NBAS: variants seen among roughly 807,000 people sequenced by gnomAD.
The protein encoded by NBAS is NAG/BC035112 fusion.
NBAS carries 219 observed loss-of-function variants against 302.5 expected under a neutral mutation model. The observed-to-expected ratio is 0.72, with a 90% CI of 0.65 to 0.81. The LOEUF is 0.81. Ranked by LOEUF, NBAS falls within the 30% of genes least tolerant of loss-of-function variation. The pLI is 0.00. For synonymous variants in NBAS, 1,118 were observed against 1,021.6 expected, an observed-to-expected ratio of 1.09 and a Z score of -1.80; for missense variants, 2,932 against 2,841.6, an observed-to-expected ratio of 1.03 and a Z score of -0.72.
intron 38 of NBAS, among the ~76,000 whole-genome samples, chr2:15,325,460 C>T (rs1337456951): frequency 6.6e-6 from 1 of 152,116 alleles, no homozygotes; most frequent in African/African-American, 2.4e-5. Context: ...ATGTTGATGG[C>T]TGCTGACTGA....
chr2:15,076,452 A>G, the NBAS span, among the ~76,000 whole-genome samples: 1 of 152,198 alleles, frequency 6.6e-6, no homozygotes, highest in Non-Finnish European at 1.5e-5. Context: ...AAATCCGCCT[A>G]TATAAAATTT....
At chr2:15,167,387 C>A in intron 51 of NBAS, 64 bp from the exon 52 acceptor site, 1 of 1,578,826 alleles carries the variant, frequency 6.3e-7, no homozygotes, top group South Asian at 1.1e-5. Flanking sequence ...CCCCTTGGAT[C>A]CCTCGCTCTC....
At position 15,456,313 on chromosome 2, in the gene NBAS, T is replaced by C. The variant is rs192209338; in HGVS notation, c.2339+4888A>G. On this transcript the variant is annotated intron_variant, in intron 21 of 51. Transcript: ENST00000281513. Reference sequence around the variant, plus strand: ...GTTGGTTAAATGCCAAGGCAAAAGTTCTGCCAGTGGGATCTCAAAACAGAG... The same window carrying C: ...GTTGGTTAAATGCCAAGGCAAAAGTCCTGCCAGTGGGATCTCAAAACAGAG... Among the ~76,000 whole-genome samples the C allele has an allele frequency of 1.5e-3, 223 of 152,336 alleles. 1 individual carries two copies. Among genetic ancestry groups the C allele is most frequent in the Non-Finnish European group, 2.8e-3 (190 of 68,028 alleles).
chr2:15,038,080 A>AATATATAT, the NBAS span, among the ~76,000 whole-genome samples: 7 of 140,708 alleles, frequency 5.0e-5, no homozygotes, highest in Admixed American at 7.5e-5. Flanking sequence ...ATAATTATAT[A>AATATATAT]ATATATATAT....
the NBAS span, among the ~76,000 whole-genome samples, chr2:14,838,920 T>C: frequency 6.6e-6 from 1 of 151,966 alleles, no homozygotes; most frequent in Non-Finnish European, 1.5e-5. Flanking sequence ...TGTAGGATAG[T>C]AGAATATGTC....
At chr2:14,924,141 C>T in the NBAS span, among the ~76,000 whole-genome samples, 3 of 152,240 alleles carry the variant, frequency 2.0e-5, no homozygotes, top group East Asian at 3.9e-4. Context: ...ATTTGGAAAC[C>T]GAAGAGTAAA....
At chr2:15,477,545 C>T (rs570955338) in intron 13 of NBAS, among the ~76,000 whole-genome samples, 1 of 152,236 alleles carries the variant, frequency 6.6e-6, no homozygotes, top group South Asian at 2.1e-4. Context: ...AGCCACCGCG[C>T]CCGGCATAAA....
Position 15,508,240 on chromosome 2 carries a change from T to C in NBAS, c.885+2972A>G, listed in dbSNP as rs917231007. Among the ~76,000 whole-genome samples the C allele has an allele frequency of 8.9e-4, 136 of 152,346 alleles. 1 individual carries two copies. Among genetic ancestry groups the C allele is most frequent in the African/African-American group, 3.2e-3 (133 of 41,588 alleles). ...TATTTTGTCAGCGCACAAGCAATTT[T>C]CTTTTAAAAGACTTCAATACCGAAG... is the stretch of plus-strand genomic sequence containing the variant. On this transcript the variant is annotated intron_variant, in intron 10 of 51. Coordinates refer to ENST00000281513, the MANE Select transcript of NBAS (RefSeq NM_015909.4).
At chr2:14,820,020 C>T in the NBAS span, among the ~76,000 whole-genome samples, 77 of 152,148 alleles carry the variant, frequency 5.1e-4, no homozygotes, top group African/African-American at 1.8e-3. Flanking sequence ...ATACCAAATG[C>T]CAGTGAGGAT....
rs1388042661 is a variant in NBAS, at chr2:15,474,170, A to G, written c.1496T>C (p.Met499Thr). ...IKQGLYLVTEMERFAPPRKRP... is the reference protein window; with the variant it reads ...IKQGLYLVTETERFAPPRKRP... Reference sequence around the variant, plus strand: ...TTTCCGTGGTGGTGCAAATCGCTCCATTTCAGTCACCAAGTAAAGGCCCTG... The same window carrying G: ...TTTCCGTGGTGGTGCAAATCGCTCCGTTTCAGTCACCAAGTAAAGGCCCTG... The change falls in exon 15 of 52, where the codon ATG becomes ACG. Residue 499 changes from methionine (M) to threonine (T), a missense_variant. Met to Thr is a moderately conservative substitution (Grantham distance 81). Coordinates refer to ENST00000281513, the MANE Select transcript of NBAS (RefSeq NM_015909.4). 4 of 1,613,994 alleles carry G rather than the reference A, an allele frequency of 2.5e-6. No homozygotes were observed. The highest frequency in any genetic ancestry group is 3.4e-6 in the Non-Finnish European group (4 of 1,180,024).
chr2:14,783,386 A>G, the NBAS span, among the ~76,000 whole-genome samples: 2 of 151,462 alleles, frequency 1.3e-5, no homozygotes, highest in African/African-American at 4.9e-5. Flanking sequence ...TAGTTACATA[A>G]GTATACATGT....
At chr2:14,876,241 A>C in the NBAS span, among the ~76,000 whole-genome samples, 2 of 152,214 alleles carry the variant, frequency 1.3e-5, no homozygotes, top group African/African-American at 4.8e-5. Flanking sequence ...AAACTAATGT[A>C]AATTTTCCTT....
chr2:15,240,945 T>C (rs1667840727), intron 44 of NBAS, among the ~76,000 whole-genome samples: 1 of 152,080 alleles, frequency 6.6e-6, no homozygotes, highest in Non-Finnish European at 1.5e-5. Context: ...TTCATACATG[T>C]AGATGAAGAG....
At chr2:15,437,498 A>G (rs940602595) in intron 21 of NBAS, among the ~76,000 whole-genome samples, 15 of 152,204 alleles carry the variant, frequency 9.9e-5, no homozygotes, top group African/African-American at 3.4e-4. Flanking sequence ...TGAGGAAATG[A>G]AGACCCTGGA....
chr2:15,198,983 G>A (rs1054464013), intron 48 of NBAS, among the ~76,000 whole-genome samples: 3 of 151,838 alleles, frequency 2.0e-5, no homozygotes, highest in Non-Finnish European at 4.4e-5. Context: ...AAAATTAGCC[G>A]GGCATTGGTG....
the NBAS span, among the ~76,000 whole-genome samples, chr2:14,899,490 G>A: frequency 7.2e-4 from 109 of 152,336 alleles, 1 homozygote; most frequent in Middle Eastern, 3.4e-3. Flanking sequence ...CTGCCATTTA[G>A]AATGTTGTTA....
chr2:15,001,312 AC>A, the NBAS span, among the ~76,000 whole-genome samples: 1 of 152,082 alleles, frequency 6.6e-6, no homozygotes, highest in Non-Finnish European at 1.5e-5. Context: ...TATGTTATAC[AC>A]ACACACAGCT....
chr2:15,561,184 T>C lies in NBAS; in HGVS notation c.117+4A>G. 6.2e-7 allele frequency: 1 copy of C among 1,613,070 alleles called. No individual in the cohort carries two copies. Among genetic ancestry groups the C allele is most frequent in the Non-Finnish European group, 8.5e-7 (1 of 1,179,522 alleles). On this transcript the variant is annotated splice_donor_region_variant and intron_variant, in intron 1 of 51. Transcript: ENST00000281513. Reference sequence around the variant, plus strand: ...GGCTGCTGCTGTAGATGGGCCTGGTTCACCTGTACTTCAGTCTCCGGTGGC... The same window carrying C: ...GGCTGCTGCTGTAGATGGGCCTGGTCCACCTGTACTTCAGTCTCCGGTGGC...
Position 15,166,984 on chromosome 2 carries a change from C to T in NBAS, c.*64G>A. 1.1e-5 allele frequency: 16 copies of T among 1,492,756 alleles called. No individual in the cohort carries two copies. The highest frequency in any genetic ancestry group is 1.3e-5 in the Non-Finnish European group (14 of 1,118,002). The allele number at this position is 1,492,756 out of a possible 1,614,324, so 92.5% of individuals were successfully genotyped here. A position where few individuals can be genotyped will look rare whatever the true frequency, so the allele number is the denominator to read the frequency against. On this transcript the variant is annotated 3_prime_UTR_variant, in exon 52 of 52. Transcript: ENST00000281513. ...GAACAATCGGCAGATACACATGTTG[C>T]TTCTGGGAACAGCATTCAACTCCAG...
Sources: gnomAD v4.1 joint callset for allele counts (sites outside exome capture counted in the v4.1 genomes callset) on GRCh38, gnomAD v4.1.1 for gene constraint, MANE v1.5 for transcripts, NCBI Gene and HGNC (gene_info 2026-07-23, HGNC 2026-07-21) for gene names.